The following CNTRL variants were observed in gnomAD, a reference collection of about 807,000 sequenced individuals.
CNTRL encodes the protein centriolin.
A neutral mutation model predicts 303.7 loss-of-function variants in CNTRL; 233 were observed. The ratio of observed to expected loss-of-function variants is 0.77; its 90% confidence interval spans 0.69 to 0.86. The LOEUF (loss-of-function observed/expected upper bound fraction) is 0.86. CNTRL is among the 40% of genes least tolerant of loss of function. The probability of loss-of-function intolerance (pLI) is 0.00; values close to 1 mark genes in which losing one functional copy is unlikely to be tolerated. For missense variants in CNTRL, 2,524 were observed against 2,650.6 expected (o/e 0.95, Z 1.05); for synonymous variants, 900 against 922.2 (o/e 0.98, Z 0.44).
At chr9:121,149,882 GA>G (rs1225299698) in intron 24 of CNTRL, among the ~76,000 whole-genome samples, 1 of 152,166 alleles carries the variant, frequency 6.6e-6, no homozygotes, top group African/African-American at 2.4e-5. Context: ...GCATGAATTA[GA>G]TACCCAGATG....
chr9:121,144,142 A>G (rs952439864), intron 20 of CNTRL, 60 bp downstream of exon 20: 1 of 1,400,566 alleles, frequency 7.1e-7, no homozygotes, highest in African/African-American at 1.4e-5. Context: ...AAAACATGGC[A>G]ACTTGTATTA....
Position 121,158,703 on chromosome 9 carries a change from A to G in CNTRL, c.4765-152A>G, listed in dbSNP as rs568177023. 23 of 693,514 alleles carry G rather than the reference A, an allele frequency of 3.3e-5. No homozygotes were observed. In the South Asian group the frequency reaches 4.2e-4, roughly 13 times the overall value. The allele number at this position is 693,514 out of a possible 1,614,324, so 43.0% of individuals were successfully genotyped here. On this transcript the variant is annotated intron_variant, in intron 30 of 43. Transcript: ENST00000373855. ...TGTGAGCTCAAGGTTTTCATTAGGC[A>G]TTTCACCCTTGCACTCCTTGCCTGG...
Position 121,164,929 on chromosome 9 carries a change from ACT to A in CNTRL, c.5424-9_5424-8del. ...GCTTGTATATTTGACAGTCTGACTT[ACT>A]CTCTGTGGTAGGGTTTTAGCAGCAG... On this transcript the variant is annotated splice_polypyrimidine_tract_variant and intron_variant, in intron 34 of 43. Transcript: ENST00000373855. 1 of 1,606,016 alleles carries A rather than the reference ACT, an allele frequency of 6.2e-7. No homozygotes were observed. Among genetic ancestry groups the A allele is most frequent in the East Asian group, 2.3e-5 (1 of 44,398 alleles).
At chr9:121,127,546 G>C (rs1218829076) in intron 14 of CNTRL, among the ~76,000 whole-genome samples, 1 of 151,742 alleles carries the variant, frequency 6.6e-6, no homozygotes, top group East Asian at 1.9e-4. Flanking sequence ...CAGGAAAGTT[G>C]CAAGAGGAAT....
chr9:121,144,994 A>G (rs377626286), intron 21 of CNTRL, 35 bp downstream of exon 21: 18 of 1,539,212 alleles, frequency 1.2e-5, no homozygotes, highest in Non-Finnish European at 1.5e-5. Flanking sequence ...CCTCTTTCTC[A>G]GATTCTTATC....
intron 38 of CNTRL, among the ~76,000 whole-genome samples, chr9:121,168,972 A>G (rs971780398): frequency 6.6e-6 from 1 of 152,228 alleles, no homozygotes; most frequent in Non-Finnish European, 1.5e-5. Context: ...AACTTAAAAA[A>G]ATATGTCGAG....
intron 12 of CNTRL, among the ~76,000 whole-genome samples, chr9:121,120,152 A>G (rs974263859): frequency 1.1e-4 from 16 of 152,028 alleles, no homozygotes; most frequent in Non-Finnish European, 2.4e-4. Flanking sequence ...AGATCTCTGG[A>G]TTAATAGAAA....
At position 121,142,252 on chromosome 9, in the gene CNTRL, C is replaced by T. The variant is rs2051558219; in HGVS notation, c.2853C>T (p.Leu951=). 5 of 1,601,404 alleles carry T rather than the reference C, an allele frequency of 3.1e-6. No homozygotes were observed. Among genetic ancestry groups the T allele is most frequent in the Non-Finnish European group, 4.2e-6 (5 of 1,176,676 alleles). ...DEEKERILAQ[L]RELEKKKKLE... Reference sequence around the variant, plus strand: ...AGAAGGAGAGAATTCTGGCCCAACTCCGAGAGTTAGAGAAAAAGGTAGGGG... The same window carrying T: ...AGAAGGAGAGAATTCTGGCCCAACTTCGAGAGTTAGAGAAAAAGGTAGGGG... Residue 951 remains leucine (L), a synonymous_variant, in exon 19 of 44, where the codon CTC becomes CTT. Transcript: ENST00000373855.
At position 121,162,038 on chromosome 9, in the gene CNTRL, C is replaced by T; in HGVS notation, c.5206-16C>T. Reference sequence around the variant, plus strand: ...TTCTCATTTAAGATGTTTGAGTCCTCTTTTATCTGATTTAGGAGAAACTGG... The same window carrying T: ...TTCTCATTTAAGATGTTTGAGTCCTTTTTTATCTGATTTAGGAGAAACTGG... On this transcript the variant is annotated splice_polypyrimidine_tract_variant and intron_variant, in intron 33 of 43. Coordinates refer to ENST00000373855, the MANE Select transcript of CNTRL (RefSeq NM_007018.6). The T allele has an allele frequency of 6.2e-7, 1 of 1,614,014 alleles. No individual in the cohort carries two copies.
In CNTRL at chr9:121,142,379, A is replaced by G. The variant is rs950778563; in HGVS notation, c.2871+109A>G. ...GTGATCTGTAGTCACCTCTGGCTGC[A>G]TTGCTGGCACAGTGCTGAACCTGAC... On this transcript the variant is annotated intron_variant, in intron 19 of 43. Coordinates refer to ENST00000373855, the MANE Select transcript of CNTRL (RefSeq NM_007018.6). 10 of 946,690 alleles carry G rather than the reference A, an allele frequency of 1.1e-5. 1 individual carries two copies. In the Admixed American group the frequency reaches 3.2e-4, roughly 30 times the overall value. 58.6% of individuals were successfully genotyped at this position (946,690 alleles called of 1,614,324 possible). A position where few individuals can be genotyped will look rare whatever the true frequency, so the allele number is the denominator to read the frequency against.
intron 7 of CNTRL, among the ~76,000 whole-genome samples, chr9:121,098,960 G>A (rs764642346): frequency 6.6e-6 from 1 of 152,208 alleles, no homozygotes; most frequent in Non-Finnish European, 1.5e-5. Flanking sequence ...ATGGCAGTAA[G>A]GGGAGGGAGC....
At chr9:121,176,564 A>T (rs1303509355) in intron 43 of CNTRL, among the ~76,000 whole-genome samples, 5 of 152,182 alleles carry the variant, frequency 3.3e-5, no homozygotes, top group African/African-American at 1.2e-4. Flanking sequence ...GTAGTGAGAG[A>T]AGAGTAGAGT....
chr9:121,152,837 G>C (rs556099699), intron 26 of CNTRL, 144 bp downstream of exon 26: 17 of 650,202 alleles, frequency 2.6e-5, no homozygotes, highest in African/African-American at 2.4e-4. Context: ...TTGAGCACTT[G>C]AAATGTGGCT....
chr9:121,145,138 G>T, intron 21 of CNTRL, 106 bp from the exon 22 acceptor site: 1 of 1,346,242 alleles, frequency 7.4e-7, no homozygotes, highest in African/African-American at 1.5e-5. Flanking sequence ...TTTCCTCACT[G>T]GGAAAGTGTA....
chr9:121,162,373 A>C, intron 34 of CNTRL, 102 bp downstream of exon 34: 4 of 938,344 alleles, frequency 4.3e-6, no homozygotes, highest in Non-Finnish European at 6.7e-6. Flanking sequence ...GATAAAATAC[A>C]CCACAAACTT....
chr9:121,091,015 C>A (rs895685503), intron 4 of CNTRL, among the ~76,000 whole-genome samples: 7 of 152,180 alleles, frequency 4.6e-5, no homozygotes, highest in Admixed American at 4.6e-4. Context: ...TTATAATAAC[C>A]ACCAGATCTT....
At chr9:121,140,164 A>C (rs1409635842) in intron 16 of CNTRL, among the ~76,000 whole-genome samples, 1 of 152,186 alleles carries the variant, frequency 6.6e-6, no homozygotes, top group Non-Finnish European at 1.5e-5. Flanking sequence ...CTCTCCGAGC[A>C]TTGTATGTGG....
chr9:121,172,737 T>G (rs1207441940), intron 40 of CNTRL, among the ~76,000 whole-genome samples: 1 of 152,264 alleles, frequency 6.6e-6, no homozygotes, highest in Non-Finnish European at 1.5e-5. Flanking sequence ...AGATCACTTA[T>G]GACTTATTTC....
At chr9:121,143,327 T>G (rs1422451734) in intron 19 of CNTRL, among the ~76,000 whole-genome samples, 4 of 152,216 alleles carry the variant, frequency 2.6e-5, no homozygotes, top group Non-Finnish European at 5.9e-5. Flanking sequence ...TCATCATCTC[T>G]CTTCTGGATG....
Sources: gnomAD v4.1 joint callset for allele counts (sites outside exome capture counted in the v4.1 genomes callset) on GRCh38, gnomAD v4.1.1 for gene constraint, MANE v1.5 for transcripts, NCBI Gene and HGNC (gene_info 2026-07-23, HGNC 2026-07-21) for gene names.